CCDC191: variants seen among roughly 807,000 people sequenced by gnomAD.
CCDC191 encodes the protein coiled-coil domain-containing protein 191.
CCDC191 carries 99 observed loss-of-function variants against 114.0 expected under a neutral mutation model. That is an observed-to-expected ratio of 0.87 (90% CI 0.74 to 1.03). The LOEUF (loss-of-function observed/expected upper bound fraction) is 1.03, where lower values mean the gene tolerates loss of function less well. Among genes scored for constraint, CCDC191 ranks in the 50% least tolerant of loss-of-function variants. The probability of loss-of-function intolerance (pLI) is 0.00; values close to 1 mark genes in which losing one functional copy is unlikely to be tolerated. For missense variants in CCDC191, 973 were observed against 1,087.0 expected, an observed-to-expected ratio of 0.90 and a Z score of 1.47; for synonymous variants, 351 against 376.0, an observed-to-expected ratio of 0.93 and a Z score of 0.77.
chr3:114,036,874 C>A (rs976870022), intron 4 of CCDC191, 88 bp from the exon 5 acceptor site: 52 of 848,676 alleles, frequency 6.1e-5, no homozygotes, highest in Non-Finnish European at 8.1e-5. Context: ...AATCCTAGTA[C>A]AATAAAAATA....
intron 13 of CCDC191, among the ~76,000 whole-genome samples, chr3:113,988,042 AAT>A (rs374183079): frequency 1.8e-4 from 26 of 148,072 alleles, no homozygotes; most frequent in East Asian, 3.9e-4. Flanking sequence ...ACTCCATCTC[AAT>A]ATATATATAT....
At chr3:114,029,260 T>C (rs902181350) in intron 7 of CCDC191, among the ~76,000 whole-genome samples, 10 of 152,082 alleles carry the variant, frequency 6.6e-5, no homozygotes, top group Non-Finnish European at 1.5e-4. Context: ...GGTTTCCCAA[T>C]AGACACGTTG....
chr3:114,002,831 A>G (rs1026325157), intron 11 of CCDC191: 1 of 957,558 alleles, frequency 1.0e-6, no homozygotes, highest in Non-Finnish European at 1.2e-6. Context: ...CCTTGATGAT[A>G]CTTTTAGTAT....
chr3:113,975,224 T>C (rs537187758), intron 16 of CCDC191, among the ~76,000 whole-genome samples: 15 of 152,336 alleles, frequency 9.8e-5, no homozygotes, highest in Middle Eastern at 6.8e-3. Context: ...TATAAAATTA[T>C]CCGGAAGTGA....
chr3:113,983,115 A>T (rs2075227285), intron 13 of CCDC191, among the ~76,000 whole-genome samples: 1 of 152,174 alleles, frequency 6.6e-6, no homozygotes, highest in South Asian at 2.1e-4. Context: ...AGAATCACTT[A>T]TCTGTGCTAC....
intron 5 of CCDC191, among the ~76,000 whole-genome samples, chr3:114,035,872 G>T (rs1240313513): frequency 1.3e-5 from 2 of 151,986 alleles, no homozygotes; most frequent in East Asian, 3.9e-4. Flanking sequence ...ATCCAAACTA[G>T]AATCATACTT....
In CCDC191 at chr3:114,050,518, G is replaced by T. The variant is rs142445324; in HGVS notation, c.129+3079C>A. 1.1e-4 allele frequency among the ~76,000 whole-genome samples: 16 copies of T among 152,304 alleles called. No homozygotes were observed. In the East Asian group the frequency reaches 2.9e-3, roughly 28 times the overall value. ...TTAGGAGGTGGAGGTAGGTAAGGGG[G>T]ATTTGTCCACTTAGAGAGGCATCTC... On this transcript the variant is annotated intron_variant, in intron 2 of 16. Coordinates refer to ENST00000295878, the MANE Select transcript of CCDC191 (RefSeq NM_020817.2).
At chr3:114,030,755 C>T (rs1345002132) in intron 7 of CCDC191, among the ~76,000 whole-genome samples, 1 of 152,106 alleles carries the variant, frequency 6.6e-6, no homozygotes, top group African/African-American at 2.4e-5. Context: ...ATTTCCAGGA[C>T]CTTTGTAAGT....
chr3:114,053,527 A>C, intron 2 of CCDC191, 70 bp downstream of exon 2: 1 of 875,254 alleles, frequency 1.1e-6, no homozygotes, highest in Non-Finnish European at 1.8e-6. Flanking sequence ...AGATCTATTC[A>C]TATTTCTTTT....
chr3:114,047,560 G>A (rs1207970062), intron 2 of CCDC191, among the ~76,000 whole-genome samples: 1 of 151,770 alleles, frequency 6.6e-6, no homozygotes, highest in Non-Finnish European at 1.5e-5. Flanking sequence ...CTACTTCAGA[G>A]GCTGAGGCAG....
intron 10 of CCDC191, among the ~76,000 whole-genome samples, chr3:114,004,953 T>C (rs1200966715): frequency 2.6e-5 from 4 of 152,212 alleles, no homozygotes; most frequent in African/African-American, 9.6e-5. Context: ...AGTCAGGTAC[T>C]GTGACTCCCA....
chr3:113,965,199 A>T lies in CCDC191; in HGVS notation c.2767T>A (p.Ser923Thr), dbSNP rs1939991693. Residue 923 changes from serine (S) to threonine (T), a missense_variant, in exon 17 of 17, where the codon TCA becomes ACA. By Grantham distance (58) the Ser-to-Thr change is moderately conservative (BLOSUM62 1). Transcript: ENST00000295878. ...PGRYHELYQQ[S>T]DTWSLSKTSL... is the part of the protein sequence containing the mutation. Reference sequence around the variant, plus strand: ...GTCTTACTCAAGGACCAAGTATCTGATTGCTGATATAGCTCGTGGTACCTT... The same window carrying T: ...GTCTTACTCAAGGACCAAGTATCTGTTTGCTGATATAGCTCGTGGTACCTT... 6.2e-7 allele frequency: 1 copy of T among 1,610,496 alleles called. No homozygotes were observed. The highest frequency in any genetic ancestry group is 8.5e-7 in the Non-Finnish European group (1 of 1,178,566).
intron 16 of CCDC191, among the ~76,000 whole-genome samples, chr3:113,975,172 A>G (rs1297633291): frequency 6.6e-6 from 1 of 152,204 alleles, no homozygotes; most frequent in African/African-American, 2.4e-5. Context: ...TAGCAAGACA[A>G]TATCAGACAT....
At chr3:114,047,005 T>A in intron 2 of CCDC191, 1 of 960,712 alleles carries the variant, frequency 1.0e-6, no homozygotes, top group Non-Finnish European at 1.2e-6. Flanking sequence ...TTTAGATAAC[T>A]TTTGTTTAGG....
intron 14 of CCDC191, among the ~76,000 whole-genome samples, chr3:113,980,236 C>T (rs2075096540): frequency 6.6e-6 from 1 of 152,144 alleles, no homozygotes; most frequent in South Asian, 2.1e-4. Context: ...GAACTCAATC[C>T]ACAACTGGCC....
chr3:113,977,232 G>T (rs573758194), intron 16 of CCDC191, among the ~76,000 whole-genome samples: 1 of 152,260 alleles, frequency 6.6e-6, no homozygotes, highest in African/African-American at 2.4e-5. Context: ...AGGAGGCAGA[G>T]GTTGCAGTAT....
At chr3:114,018,233 G>A (rs567418341) in intron 8 of CCDC191, among the ~76,000 whole-genome samples, 3 of 152,328 alleles carry the variant, frequency 2.0e-5, no homozygotes, top group Admixed American at 6.5e-5. Flanking sequence ...TGAATTGTAA[G>A]ATGGTCCAGG....
At position 114,056,510 on chromosome 3, in the gene CCDC191, G is replaced by T. The variant is rs1403878222; in HGVS notation, c.-44C>A. 2 of 1,613,152 alleles carry T rather than the reference G, an allele frequency of 1.2e-6. No individual in the cohort carries two copies. The highest frequency in any genetic ancestry group is 1.6e-4 in the Middle Eastern group (1 of 6,062). Reference sequence around the variant, plus strand: ...AACCTCGGCCAAAGCTGCAGCAACCGCCCTTCTGCCCGGGCTGCCTCCGGG... The same window carrying T: ...AACCTCGGCCAAAGCTGCAGCAACCTCCCTTCTGCCCGGGCTGCCTCCGGG... On this transcript the variant is annotated 5_prime_UTR_variant, in exon 1 of 17. Transcript: ENST00000295878.
intron 16 of CCDC191, 83 bp downstream of exon 16, chr3:113,978,103 T>C: frequency 6.7e-7 from 1 of 1,501,996 alleles, no homozygotes; most frequent in Non-Finnish European, 9.2e-7. Context: ...AGCTCATCTC[T>C]GCAGACACAT....
Sources: allele counts gnomAD v4.1 joint callset (sites outside exome capture counted in the v4.1 genomes callset), GRCh38; gene constraint gnomAD v4.1.1; transcripts MANE v1.5; gene names NCBI Gene and HGNC (gene_info 2026-07-23, HGNC 2026-07-21).